The following KIAA1217 variants were observed in gnomAD, a reference collection of about 807,000 sequenced individuals.
KIAA1217 encodes sickle tail protein homolog.
Under a neutral mutation model 163.9 loss-of-function variants are expected in KIAA1217, and 88 were observed. The observed-to-expected ratio is 0.54, with a 90% CI of 0.45 to 0.64. KIAA1217 has a LOEUF of 0.64. Among genes scored for constraint, KIAA1217 ranks in the 30% least tolerant of loss-of-function variants. The pLI is 0.00. For synonymous variants in KIAA1217, 903 were observed against 923.1 expected, an observed-to-expected ratio of 0.98 and a Z score of 0.39; for missense variants, 2,372 against 2,475.0, an observed-to-expected ratio of 0.96 and a Z score of 0.88.
intron 3 of KIAA1217, among the ~76,000 whole-genome samples, chr10:24,395,201 A>G (rs915418600): frequency 1.3e-5 from 2 of 151,448 alleles, no homozygotes; most frequent in African/African-American, 2.4e-5. Flanking sequence ...TGCAGGGAGG[A>G]CCTCTCCCCC....
At chr10:23,908,308 G>T (rs143028026) in intron 1 of KIAA1217, among the ~76,000 whole-genome samples, 106 of 152,006 alleles carry the variant, frequency 7.0e-4, no homozygotes, top group African/African-American at 2.4e-3. Flanking sequence ...TCCATAATTT[G>T]GATTTCATCC....
chr10:24,078,327 C>T (rs2061431836), intron 2 of KIAA1217, among the ~76,000 whole-genome samples: 1 of 152,110 alleles, frequency 6.6e-6, no homozygotes, highest in Non-Finnish European at 1.5e-5. Context: ...TGGAGCAGTG[C>T]CCTGGTGACC....
At chr10:24,116,320 C>T (rs1165841150) in intron 2 of KIAA1217, among the ~76,000 whole-genome samples, 1 of 152,078 alleles carries the variant, frequency 6.6e-6, no homozygotes, top group African/African-American at 2.4e-5. Context: ...TGGTGACCCT[C>T]TATCATACAG....
At chr10:24,028,783 A>G (rs1031074586) in intron 2 of KIAA1217, among the ~76,000 whole-genome samples, 3 of 152,306 alleles carry the variant, frequency 2.0e-5, no homozygotes, top group Non-Finnish European at 4.4e-5. Flanking sequence ...TCTGAGGAGT[A>G]CCAAAAAAAT....
intron 1 of KIAA1217, among the ~76,000 whole-genome samples, chr10:23,846,982 A>G (rs1839064874): frequency 6.6e-6 from 1 of 152,120 alleles, no homozygotes; most frequent in East Asian, 1.9e-4. Context: ...TTCTGCATCT[A>G]TTGAGATAAT....
In KIAA1217 at chr10:24,495,148, G is replaced by A. The variant is rs774466746; in HGVS notation, c.1786G>A (p.Glu596Lys). The change falls in exon 8 of 21, where the codon GAG (glutamate) becomes AAG (lysine). Residue 596 changes from glutamate (E) to lysine (K), a missense_variant and splice_region_variant. By Grantham distance (56) the Glu-to-Lys change is moderately conservative (BLOSUM62 1). This residue lies in a region of KIAA1217 where 1,431 missense variants were observed against 1,470.3 expected (regional missense o/e 0.97). Coordinates refer to ENST00000376454, the MANE Select transcript of KIAA1217 (RefSeq NM_019590.5). ...TGACTCTCTTTTTCTTTTATTCAGC[G>A]AGAAAATGATGAAAACCACAGCCAA... ...ITSYSKDASS[E>K]KMMKTTANRN... 9.9e-6 allele frequency: 16 copies of A among 1,611,166 alleles called. No homozygotes were observed. The highest frequency in any genetic ancestry group is 3.3e-5 in the South Asian group (3 of 90,492).
At chr10:23,731,601 G>A (rs998845198) in intron 1 of KIAA1217, among the ~76,000 whole-genome samples, 2 of 152,166 alleles carry the variant, frequency 1.3e-5, no homozygotes, top group Non-Finnish European at 2.9e-5. Context: ...GTTAGGGAGG[G>A]AGGGGGTACA....
chr10:24,404,531 C>T (rs1308517324), intron 3 of KIAA1217, among the ~76,000 whole-genome samples: 1 of 132,550 alleles, frequency 7.5e-6, no homozygotes, highest in East Asian at 2.2e-4. Context: ...CACACCACTG[C>T]ACTCCAGGGT....
chr10:23,803,113 G>A (rs899425142), intron 1 of KIAA1217, among the ~76,000 whole-genome samples: 1 of 152,146 alleles, frequency 6.6e-6, no homozygotes, highest in African/African-American at 2.4e-5. Flanking sequence ...ACTTTTCCAT[G>A]TGGAAAAGCT....
intron 1 of KIAA1217, among the ~76,000 whole-genome samples, chr10:23,722,528 A>G (rs1335794768): frequency 6.6e-6 from 1 of 152,186 alleles, no homozygotes; most frequent in East Asian, 1.9e-4. Context: ...TTATTTGTAA[A>G]TTCAAATGAT....
At chr10:23,838,604 G>A (rs1240781392) in intron 1 of KIAA1217, among the ~76,000 whole-genome samples, 1 of 152,068 alleles carries the variant, frequency 6.6e-6, no homozygotes, top group Non-Finnish European at 1.5e-5. Context: ...GGAATTACAG[G>A]TGCCCACCTC....
At chr10:24,115,867 C>G (rs1287235800) in intron 2 of KIAA1217, among the ~76,000 whole-genome samples, 1 of 152,172 alleles carries the variant, frequency 6.6e-6, no homozygotes, top group East Asian at 1.9e-4. Flanking sequence ...AGTCATCTTT[C>G]CATGGGGGCA....
In KIAA1217 at chr10:24,441,850, C is replaced by A. The variant is rs548108761; in HGVS notation, c.846+3371C>A. ...TGTACAACTTGAAGATGGAACCATT[C>A]CATTTCATGACTCTCAAAAAGTACA... is the stretch of plus-strand genomic sequence containing the variant. On this transcript the variant is annotated intron_variant, in intron 5 of 20. Coordinates refer to ENST00000376454, the MANE Select transcript of KIAA1217 (RefSeq NM_019590.5). Among the ~76,000 whole-genome samples, 14 of 152,260 alleles carry A rather than the reference C, an allele frequency of 9.2e-5. No homozygotes were observed. The East Asian group carries it at 2.7e-3, about 29-fold the overall frequency.
At chr10:24,140,717 C>T (rs760595752) in intron 2 of KIAA1217, among the ~76,000 whole-genome samples, 22 of 152,096 alleles carry the variant, frequency 1.4e-4, no homozygotes, top group African/African-American at 1.9e-4. Flanking sequence ...ATTGAAACAT[C>T]GGAAAGCAAA....
chr10:24,412,174 G>T (rs1292784380), intron 3 of KIAA1217, among the ~76,000 whole-genome samples: 1 of 114,872 alleles, frequency 8.7e-6, no homozygotes, highest in Non-Finnish European at 1.8e-5. Context: ...AAAAATGTTT[G>T]GTCCAAAAAA....
Position 24,542,739 on chromosome 10 carries a change from A to G in KIAA1217, c.3581A>G (p.Tyr1194Cys), listed in dbSNP as rs777813428. 2.5e-6 allele frequency: 4 copies of G among 1,614,240 alleles called. No homozygotes were observed. In the South Asian group the frequency reaches 4.4e-5, roughly 18 times the overall value. ...GATGTACGGAAATCTGATGTTGAATATGAAAATGGCCCCCAAATGGAATTC... is the reference window on the plus strand; with the variant it reads ...GATGTACGGAAATCTGATGTTGAATGTGAAAATGGCCCCCAAATGGAATTC... ...HEDVRKSDVE[Y>C]ENGPQMEFQK... The change falls in exon 18 of 21, where the codon TAT (tyrosine) becomes TGT (cysteine). Residue 1194 changes from tyrosine (Y) to cysteine (C), a missense_variant. Tyr to Cys is a radical substitution (Grantham distance 194). Transcript: ENST00000376454.
chr10:23,970,247 G>T (rs185010068), intron 1 of KIAA1217, among the ~76,000 whole-genome samples: 1 of 152,308 alleles, frequency 6.6e-6, no homozygotes, highest in East Asian at 1.9e-4. Context: ...TCTTCTTAGG[G>T]ATTTATAGTT....
chr10:24,542,501 A>G, intron 17 of KIAA1217, 192 bp from the exon 18 acceptor site: 6 of 1,423,280 alleles, frequency 4.2e-6, no homozygotes, highest in Non-Finnish European at 5.5e-6. Flanking sequence ...TCTTGTGCAA[A>G]CACAGGGCAT....
At chr10:23,702,135 C>A (rs959135787) in intron 1 of KIAA1217, among the ~76,000 whole-genome samples, 2 of 151,928 alleles carry the variant, frequency 1.3e-5, no homozygotes, top group African/African-American at 2.4e-5. Context: ...AAAATGGGGC[C>A]AACAACCTTA....
Sources: gnomAD v4.1 joint callset for allele counts (sites outside exome capture counted in the v4.1 genomes callset) on GRCh38, gnomAD v4.1.1 for gene constraint, gnomAD v4.1.1 regional missense constraint, MANE v1.5 for transcripts, NCBI Gene and HGNC (gene_info 2026-07-23, HGNC 2026-07-21) for gene names.